Variants in UGT3A1 observed in about 807,000 individuals in gnomAD.
UGT3A1 encodes the protein UDP-glycosyltransferase 3A1.
UGT3A1 carries 40 observed loss-of-function variants against 37.6 expected under a neutral mutation model. The observed-to-expected ratio is 1.06, with a 90% confidence interval of 0.83 to 1.38. The LOEUF is 1.38. Ranked by LOEUF, UGT3A1 falls within the 40% of genes most tolerant of loss-of-function variation. The pLI, the probability that UGT3A1 is intolerant of heterozygous loss-of-function variation, is 0.00. For synonymous variants in UGT3A1, 256 were observed against 232.3 expected (o/e 1.10, Z -0.93); for missense variants, 642 against 634.2 (o/e 1.01, Z -0.13).
upstream of UGT3A1, among the ~76,000 whole-genome samples, chr5:35,991,903 C>T (rs562065881): frequency 2.6e-5 from 4 of 152,150 alleles, no homozygotes; most frequent in South Asian, 2.1e-4. Flanking sequence ...GACTGAAATT[C>T]GAACACAGAG....
At chr5:35,990,916 G>T in intron 1 of UGT3A1, 2 of 1,393,726 alleles carry the variant, frequency 1.4e-6, no homozygotes, top group Non-Finnish European at 1.9e-6. Context: ...TCCTGAACAA[G>T]AAGAGAGAAG....
chr5:35,962,934 G>A (rs563677940), intron 4 of UGT3A1: 2 of 702,972 alleles, frequency 2.8e-6, no homozygotes, highest in East Asian at 2.7e-5. Flanking sequence ...GGGTGGTGAA[G>A]AGAGCTGGTT....
chr5:35,955,326 G>A lies in UGT3A1; in HGVS notation c.1295+319C>T, dbSNP rs963810964. On this transcript the variant is annotated intron_variant, in intron 6 of 6. Transcript: ENST00000274278. Reference sequence around the variant, plus strand: ...GAGGTGAGAAGAGCAGGCACACTGGGGAAACACACAAAGAAACCCCCCGCT... The same window carrying A: ...GAGGTGAGAAGAGCAGGCACACTGGAGAAACACACAAAGAAACCCCCCGCT... The A allele has an allele frequency of 9.3e-6, 5 of 538,532 alleles. No individual in the cohort carries two copies. In the African/African-American group the frequency reaches 9.5e-5, roughly 10 times the overall value. 33.4% of individuals were successfully genotyped at this position (538,532 alleles called of 1,614,324 possible).
intron 1 of UGT3A1, 89 bp downstream of exon 1, chr5:35,991,058 T>C: frequency 6.2e-7 from 1 of 1,613,388 alleles, no homozygotes; most frequent in Non-Finnish European, 8.5e-7. Context: ...ATCGCCTGGA[T>C]AACTCTGATC....
intron 3 of UGT3A1, among the ~76,000 whole-genome samples, chr5:35,967,378 G>A (rs1182413241): frequency 6.6e-6 from 1 of 152,164 alleles, no homozygotes; most frequent in African/African-American, 2.4e-5. Flanking sequence ...GAATGGCATG[G>A]ATTTGTGTTT....
In UGT3A1 at chr5:35,954,026, G is replaced by T; in HGVS notation, c.*176C>A. The T allele has an allele frequency of 2.9e-6, 2 of 692,300 alleles. No homozygotes were observed. The highest frequency in any genetic ancestry group is 4.7e-6 in the Non-Finnish European group (2 of 428,536). The allele number at this position is 692,300 out of a possible 1,614,324, so 42.9% of individuals were successfully genotyped here. A position where few individuals can be genotyped will look rare whatever the true frequency, so the allele number is the denominator to read the frequency against. ...TTTCAAGTCACAAGGGGCAAGTCAAGAAGCCTCAGTGGTGCGTGAAGATTT... is the reference window on the plus strand; with the variant it reads ...TTTCAAGTCACAAGGGGCAAGTCAATAAGCCTCAGTGGTGCGTGAAGATTT... On this transcript the variant is annotated 3_prime_UTR_variant, in exon 7 of 7. Coordinates refer to ENST00000274278, the MANE Select transcript of UGT3A1 (RefSeq NM_152404.4).
chr5:35,990,326 T>C (rs1740892650), intron 1 of UGT3A1, among the ~76,000 whole-genome samples: 1 of 152,066 alleles, frequency 6.6e-6, no homozygotes, highest in Non-Finnish European at 1.5e-5. Flanking sequence ...CTAAGAGCCC[T>C]GATTCTCCGT....
At chr5:35,987,642 T>C (rs1442670031) in intron 2 of UGT3A1, among the ~76,000 whole-genome samples, 1 of 152,104 alleles carries the variant, frequency 6.6e-6, no homozygotes, top group African/African-American at 2.4e-5. Flanking sequence ...TATCTAAACA[T>C]TAACAAGGCC....
At chr5:35,985,488 C>A (rs780272296) in intron 2 of UGT3A1, among the ~76,000 whole-genome samples, 1 of 152,066 alleles carries the variant, frequency 6.6e-6, no homozygotes, top group Non-Finnish European at 1.5e-5. Context: ...CAAATCAGCA[C>A]GGTACTGGCA....
chr5:35,962,859 T>C, intron 4 of UGT3A1: 1 of 702,164 alleles, frequency 1.4e-6, no homozygotes. Context: ...GTGTTTTTCC[T>C]CCAGATTCTG....
At chr5:35,961,076 A>G (rs1037442561) in intron 4 of UGT3A1, 1 of 152,232 alleles carries the variant, frequency 6.6e-6, no homozygotes, top group Non-Finnish European at 1.5e-5. Flanking sequence ...ACAGGAATGC[A>G]TGTTCTCAGT....
chr5:36,000,775 T>A (rs748668862), intron 1 of UGT3A1, among the ~76,000 whole-genome samples: 28 of 152,220 alleles, frequency 1.8e-4, no homozygotes, highest in Non-Finnish European at 3.7e-4. Flanking sequence ...GCAACTCCTG[T>A]CTTAGAAAGA....
At chr5:35,961,197 C>G (rs1457167207) in intron 4 of UGT3A1, 4 of 152,184 alleles carry the variant, frequency 2.6e-5, no homozygotes, top group Non-Finnish European at 5.9e-5. Flanking sequence ...TCTGCAGAGG[C>G]AAATCTAACT....
intron 2 of UGT3A1, among the ~76,000 whole-genome samples, chr5:35,982,088 C>A (rs530325733): frequency 4.6e-5 from 7 of 152,366 alleles, no homozygotes; most frequent in Admixed American, 4.6e-4. Context: ...TTGGAAGCCT[C>A]CACCTAGTTT....
At chr5:35,986,659 C>T (rs1309134713) in intron 2 of UGT3A1, among the ~76,000 whole-genome samples, 4 of 152,042 alleles carry the variant, frequency 2.6e-5, no homozygotes, top group African/African-American at 7.2e-5. Context: ...TTGGTGATTA[C>T]TAGAGACCGG....
In UGT3A1 at chr5:35,955,626, T is replaced by G. The variant is rs1280869970; in HGVS notation, c.1295+19A>C. On this transcript the variant is annotated intron_variant, in intron 6 of 6. Coordinates refer to ENST00000274278, the MANE Select transcript of UGT3A1 (RefSeq NM_152404.4). ...TCTTCATTCAGCCTTAGTGACCACA[T>G]GCTTAGAGAGCCACATACCTCTTGT... 6.2e-7 allele frequency: 1 copy of G among 1,613,998 alleles called. No homozygotes were observed. Among genetic ancestry groups the G allele is most frequent in the Non-Finnish European group, 8.5e-7 (1 of 1,179,810 alleles).
intron 2 of UGT3A1, among the ~76,000 whole-genome samples, chr5:35,987,628 A>C (rs1489828887): frequency 6.6e-6 from 1 of 152,198 alleles, no homozygotes; most frequent in Non-Finnish European, 1.5e-5. Context: ...AAGTGCATTA[A>C]AACTATCTAA....
chr5:35,962,882 A>G (rs1070895), intron 4 of UGT3A1: 569,340 of 702,382 alleles, frequency 0.81, 231,814 homozygotes, highest in South Asian at 0.91. Context: ...GGTCAAAGCC[A>G]TCTCAGTGGT....
At chr5:35,961,654 A>C (rs755035486) in intron 4 of UGT3A1, 3 of 152,350 alleles carry the variant, frequency 2.0e-5, no homozygotes, top group Middle Eastern at 3.4e-3. Context: ...CATGGTGACC[A>C]TTAATGCTTC....
Sources: allele counts gnomAD v4.1 joint callset (sites outside exome capture counted in the v4.1 genomes callset), GRCh38; gene constraint gnomAD v4.1.1; transcripts MANE v1.5; gene names NCBI Gene and HGNC (gene_info 2026-07-23, HGNC 2026-07-21).